EGLN2: variants seen among roughly 807,000 people sequenced by gnomAD.
EGLN2 encodes egl-9 family hypoxia inducible factor 2, also known as prolyl hydroxylase EGLN2.
Under a neutral mutation model 38.2 loss-of-function variants are expected in EGLN2, and 15 were observed. That is an observed-to-expected ratio of 0.39 (90% CI 0.26 to 0.60). EGLN2 has a LOEUF of 0.60. Among genes scored for constraint, EGLN2 ranks in the 20% least tolerant of loss-of-function variants. The pLI, the probability that EGLN2 is intolerant of heterozygous loss-of-function variation, is 0.50. For missense variants in EGLN2, 492 were observed against 570.4 expected, an observed-to-expected ratio of 0.86 and a Z score of 1.40; for synonymous variants, 284 against 237.4, an observed-to-expected ratio of 1.20 and a Z score of -1.81.
chr19:40,806,318 A>G, intron 2 of EGLN2: 1 of 630,990 alleles, frequency 1.6e-6, no homozygotes, highest in Non-Finnish European at 2.6e-6. Context: ...GGCCCCAGGT[A>G]TGTGTGTTGG....
chr19:40,807,005 C>G, intron 3 of EGLN2, 133 bp from the exon 4 acceptor site: 3 of 1,384,178 alleles, frequency 2.2e-6, no homozygotes, highest in African/African-American at 1.4e-5. Context: ...GGTTGTCATT[C>G]ACTTTGAGAG....
At chr19:40,805,540 C>T (rs1293881750) in intron 2 of EGLN2, 1 of 152,210 alleles carries the variant, frequency 6.6e-6, no homozygotes, top group Non-Finnish European at 1.5e-5. Flanking sequence ...TGCCTGATGC[C>T]ACAGCTCATG....
chr19:40,801,387 G>A lies in EGLN2; in HGVS notation c.815G>A (p.Gly272Asp), dbSNP rs1190910758. The A allele has an allele frequency of 4.4e-6, 7 of 1,608,200 alleles. No individual in the cohort carries two copies. The highest frequency in any genetic ancestry group is 1.7e-5 in the Admixed American group (1 of 60,006). ...ATCCGCCACTGCGCAGGGCGGCTGG[G>A]CAGCTATGTCATCAACGGGCGCACC... ...AVIRHCAGRLGSYVINGRTKA... is the reference protein window; with the variant it reads ...AVIRHCAGRLDSYVINGRTKA... Residue 272 changes from glycine to aspartate, a missense_variant, in exon 2 of 6, where the codon GGC (glycine) becomes GAC (aspartate). Gly to Asp is a moderately conservative substitution (Grantham distance 94). Around this residue, in one of 2 missense-constraint regions of EGLN2, gnomAD observed 378 missense variants for 386.2 expected, o/e 0.98. Coordinates refer to ENST00000303961, the MANE Select transcript of EGLN2 (RefSeq NM_080732.4).
In EGLN2 at chr19:40,807,178, C is replaced by A. The variant is rs2083310467; in HGVS notation, c.1004C>A (p.Pro335His). 6.2e-7 allele frequency: 1 copy of A among 1,614,174 alleles called. No homozygotes were observed. Among genetic ancestry groups the A allele is most frequent in the Non-Finnish European group, 8.5e-7 (1 of 1,180,010 alleles). The change falls in exon 4 of 6, where the codon CCC (proline) becomes CAC (histidine). Residue 335 changes from proline (P) to histidine (H), a missense_variant. Coordinates refer to ENST00000303961, the MANE Select transcript of EGLN2 (RefSeq NM_080732.4). Reference sequence around the variant, plus strand: ...CTGCAGATCTTCCCTGAGGGCCGGCCCGTGGTAGCCAACATCGAGCCACTC... The same window carrying A: ...CTGCAGATCTTCCCTGAGGGCCGGCACGTGGTAGCCAACATCGAGCCACTC... ...GLLQIFPEGR[P>H]VVANIEPLFD... is the part of the protein sequence containing the mutation.
chr19:40,801,789 G>C (rs2083262594), intron 2 of EGLN2, among the ~76,000 whole-genome samples: 1 of 151,448 alleles, frequency 6.6e-6, no homozygotes, highest in African/African-American at 2.4e-5. Flanking sequence ...GAGGTCTCTG[G>C]TTTTCCTAGG....
chr19:40,807,671 C>A, intron 5 of EGLN2, 120 bp downstream of exon 5: 1 of 1,419,268 alleles, frequency 7.0e-7, no homozygotes. Flanking sequence ...TCATCTCTGC[C>A]CACCTTCCTT....
intron 1 of EGLN2, 80 bp downstream of exon 1, chr19:40,799,342 T>G (rs1337087325): frequency 7.9e-6 from 1 of 126,062 alleles, no homozygotes; most frequent in Admixed American, 7.9e-5. Flanking sequence ...GGGCGGGGTG[T>G]GGGGGCGCGC....
intron 2 of EGLN2, chr19:40,805,726 C>T (rs2083296251): frequency 1.3e-5 from 2 of 152,262 alleles, no homozygotes; most frequent in Admixed American, 1.3e-4. Context: ...GGAAAGAACC[C>T]TGTAGACAGA....
At chr19:40,799,537 C>T (rs1185841921) in intron 1 of EGLN2, 2 of 151,326 alleles carry the variant, frequency 1.3e-5, no homozygotes, top group Non-Finnish European at 3.0e-5. Flanking sequence ...GGCCCTGCCC[C>T]TGTCGCCTAC....
intron 2 of EGLN2, chr19:40,806,336 TG>T: frequency 2.5e-6 from 2 of 795,966 alleles, no homozygotes; most frequent in Non-Finnish European, 3.8e-6. Context: ...TGGGAGGGAG[TG>T]GGCTCTTGAG....
rs1288943121 is a variant in EGLN2 at position 40,800,558 on chromosome 19, G to A, written c.-15G>A. On this transcript the variant is annotated 5_prime_UTR_variant, in exon 2 of 6. It removes an upstream start codon present in the reference 5' UTR. Transcript: ENST00000303961. ...GCGGTGCCCTCCATGCCCGGGGGATGAAGACACTGCTGCCATGGACAGCCC... is the reference window on the plus strand; with the variant it reads ...GCGGTGCCCTCCATGCCCGGGGGATAAAGACACTGCTGCCATGGACAGCCC... The A allele has an allele frequency of 5.1e-6, 8 of 1,573,904 alleles. No homozygotes were observed. The highest frequency in any genetic ancestry group is 6.0e-6 in the Non-Finnish European group (7 of 1,158,530).
rs373079395 is a variant in EGLN2, at chr19:40,801,345, C to T, written c.773C>T (p.Ala258Val). Residue 258 changes from alanine to valine, a missense_variant, in exon 2 of 6, where the codon GCC becomes GTC. Transcript: ENST00000303961. Reference protein sequence around the residue: ...PGCRSIGALMAHVDAVIRHCA... With the variant: ...PGCRSIGALMVHVDAVIRHCA... The stretch of plus-strand genomic sequence containing the variant: ...TGTCGAAGCATTGGTGCCCTCATGG[C>T]CCATGTGGACGCCGTCATCCGCCAC... 4 of 1,611,962 alleles carry T rather than the reference C, an allele frequency of 2.5e-6. No homozygotes were observed. The highest frequency in any genetic ancestry group is 1.3e-5 in the African/African-American group (1 of 74,950).
At position 40,807,281 on chromosome 19, in the gene EGLN2, C is replaced by T. The variant is rs1482459575; in HGVS notation, c.1100+7C>T. Reference sequence around the variant, plus strand: ...AGCCAGCCTATGCCACCAGGTATGACCTGTACTTCTGGAGACGCACCCAGG... The same window carrying T: ...AGCCAGCCTATGCCACCAGGTATGATCTGTACTTCTGGAGACGCACCCAGG... On this transcript the variant is annotated splice_region_variant and intron_variant, in intron 4 of 5. Transcript: ENST00000303961. 3 of 1,614,020 alleles carry T rather than the reference C, an allele frequency of 1.9e-6. No homozygotes were observed. The highest frequency in any genetic ancestry group is 2.7e-5 in the African/African-American group (2 of 74,940).
At chr19:40,799,715 C>A (rs570444125) in intron 1 of EGLN2, 1 of 152,308 alleles carries the variant, frequency 6.6e-6, no homozygotes, top group South Asian at 2.1e-4. Flanking sequence ...CGGTCAGTCT[C>A]GGGACCTCCC....
At position 40,800,511 on chromosome 19, in the gene EGLN2, G is replaced by A. The variant is rs1406774487; in HGVS notation, c.-62G>A. ...AGTGGAGGCGGAGGAGGAGGCGGAG[G>A]AGGGTGGCACCATGGGCCCGGGCGG... On this transcript the variant is annotated 5_prime_UTR_variant, in exon 2 of 6. Transcript: ENST00000303961. 1.3e-6 allele frequency: 2 copies of A among 1,491,604 alleles called. No homozygotes were observed. The highest frequency in any genetic ancestry group is 4.7e-5 in the East Asian group (2 of 42,350). The allele number at this position is 1,491,604 out of a possible 1,614,324, so 92.4% of individuals were successfully genotyped here.
intron 2 of EGLN2, chr19:40,805,177 C>G (rs986184309): frequency 6.6e-6 from 1 of 152,384 alleles, no homozygotes; most frequent in African/African-American, 2.4e-5. Context: ...GCTGAGCATT[C>G]GTGGGGAATG....
At chr19:40,799,998 C>T (rs184612096) in intron 1 of EGLN2, 1 of 151,536 alleles carries the variant, frequency 6.6e-6, no homozygotes, top group African/African-American at 2.4e-5. Flanking sequence ...CAAACCCCCT[C>T]CTTTCCCACT....
Position 40,807,915 on chromosome 19 carries a change from C to G in EGLN2, c.*51C>G, listed in dbSNP as rs759575898. On this transcript the variant is annotated 3_prime_UTR_variant, in exon 6 of 6. Coordinates refer to ENST00000303961, the MANE Select transcript of EGLN2 (RefSeq NM_080732.4). ...GACAGCTTAAATGACTTCAGGAGAG[C>G]CCTGGGCCTGTGCTGGCTGCTCCTT... is the stretch of plus-strand genomic sequence containing the variant. 3 of 1,575,844 alleles carry G rather than the reference C, an allele frequency of 1.9e-6. No homozygotes were observed. The Admixed American group carries it at 5.1e-5, about 27-fold the overall frequency.
At chr19:40,801,872 A>C (rs913078858) in intron 2 of EGLN2, among the ~76,000 whole-genome samples, 10 of 151,696 alleles carry the variant, frequency 6.6e-5, no homozygotes, top group East Asian at 5.8e-4. Context: ...ATGACTCTTA[A>C]CGAGCATGCT....
Sources: allele counts gnomAD v4.1 joint callset (sites outside exome capture counted in the v4.1 genomes callset), GRCh38; gene constraint gnomAD v4.1.1; regional missense constraint gnomAD v4.1.1; transcripts MANE v1.5; gene names NCBI Gene and HGNC (gene_info 2026-07-23, HGNC 2026-07-21).